FSTL5: variants seen among roughly 807,000 people sequenced by gnomAD.
FSTL5 encodes follistatin-related protein 5.
Under a neutral mutation model 89.1 loss-of-function variants are expected in FSTL5, and 62 were observed. The ratio of observed to expected loss-of-function variants is 0.70; its 90% CI spans 0.57 to 0.86. The LOEUF (loss-of-function observed/expected upper bound fraction) is 0.86. Among genes scored for constraint, FSTL5 ranks in the 40% least tolerant of loss-of-function variants. FSTL5 has a pLI of 0.00. For synonymous variants in FSTL5, 383 were observed against 346.2 expected (o/e 1.11, Z -1.18); for missense variants, 1,057 against 1,001.6 (o/e 1.06, Z -0.75).
chr4:161,748,590 T>G (rs1378137607), intron 6 of FSTL5, among the ~76,000 whole-genome samples: 1 of 142,798 alleles, frequency 7.0e-6, no homozygotes, highest in African/African-American at 2.6e-5. Context: ...ACTGAAATAA[T>G]GCAAAGGGGA....
At chr4:161,851,472 G>T (rs533980620) in intron 4 of FSTL5, among the ~76,000 whole-genome samples, 2 of 152,066 alleles carry the variant, frequency 1.3e-5, no homozygotes, top group East Asian at 3.9e-4. Context: ...ACGATTTCAG[G>T]TATCTTTCGT....
At chr4:161,435,338 A>G (rs1312464680) in intron 15 of FSTL5, among the ~76,000 whole-genome samples, 1 of 152,156 alleles carries the variant, frequency 6.6e-6, no homozygotes, top group African/African-American at 2.4e-5. Context: ...CAAACATCAC[A>G]TGTTCTCATT....
intron 13 of FSTL5, among the ~76,000 whole-genome samples, chr4:161,475,410 A>G (rs1734103064): frequency 6.6e-6 from 1 of 152,066 alleles, no homozygotes; most frequent in Non-Finnish European, 1.5e-5. Flanking sequence ...ACTGAGTCTC[A>G]CAGGTCCCTT....
chr4:161,427,099 C>T (rs1217119223), intron 15 of FSTL5, among the ~76,000 whole-genome samples: 2 of 152,144 alleles, frequency 1.3e-5, no homozygotes, highest in Non-Finnish European at 2.9e-5. Context: ...ACTAATGTTT[C>T]ATAATAGAAG....
At chr4:161,437,109 TG>T (rs1229497622) in intron 15 of FSTL5, among the ~76,000 whole-genome samples, 1 of 152,018 alleles carries the variant, frequency 6.6e-6, no homozygotes, top group Non-Finnish European at 1.5e-5. Context: ...TTGGAGGCAT[TG>T]GAATAGGTTC....
At chr4:161,911,998 T>C (rs1257186216) in intron 4 of FSTL5, among the ~76,000 whole-genome samples, 5 of 152,152 alleles carry the variant, frequency 3.3e-5, no homozygotes, top group Non-Finnish European at 7.4e-5. Flanking sequence ...GTGAAATATC[T>C]GTGGGTGCTC....
intron 7 of FSTL5, among the ~76,000 whole-genome samples, chr4:161,615,993 C>T (rs532214520): frequency 1.2e-4 from 19 of 152,120 alleles, no homozygotes; most frequent in Admixed American, 3.3e-4. Context: ...TGCTACTCAG[C>T]AACACATTCT....
chr4:161,493,744 G>A (rs1729962911), intron 12 of FSTL5, among the ~76,000 whole-genome samples: 1 of 152,026 alleles, frequency 6.6e-6, no homozygotes, highest in Admixed American at 6.6e-5. Flanking sequence ...TTTTACATGT[G>A]TATAAGTGAG....
rs953077442 is a variant in FSTL5 at position 161,612,843 on chromosome 4, AGTGGTATCAATTAT to A, written c.895-25282_895-25269del. Among the ~76,000 whole-genome samples, 83 of 152,342 alleles carry A rather than the reference AGTGGTATCAATTAT, an allele frequency of 5.4e-4. 1 individual carries two copies. Among genetic ancestry groups the A allele is most frequent in the African/African-American group, 2.0e-3 (82 of 41,592 alleles). On this transcript the variant is annotated intron_variant, in intron 7 of 15. Transcript: ENST00000306100. ...TTACCTTCTATAAAATAGGGACCTC[AGTGGTATCAATTAT>A]GTTACAAGATTGAATGATTTAATTT...
At chr4:161,426,598 A>T (rs889784667) in intron 15 of FSTL5, among the ~76,000 whole-genome samples, 1 of 151,970 alleles carries the variant, frequency 6.6e-6, no homozygotes, top group African/African-American at 2.4e-5. Flanking sequence ...ATAGAAGATA[A>T]TTTTTTTTGT....
intron 3 of FSTL5, among the ~76,000 whole-genome samples, chr4:161,970,031 T>G (rs1167658911): frequency 1.3e-5 from 2 of 152,064 alleles, no homozygotes; most frequent in East Asian, 3.9e-4. Context: ...AAAATCGAAC[T>G]GGATTTGATG....
At chr4:161,695,016 T>C (rs1738089379) in intron 6 of FSTL5, among the ~76,000 whole-genome samples, 2 of 152,122 alleles carry the variant, frequency 1.3e-5, no homozygotes. Context: ...TTAAATTCTT[T>C]TTTTAAATTT....
chr4:161,698,240 G>C (rs971297978), intron 6 of FSTL5, among the ~76,000 whole-genome samples: 3 of 152,102 alleles, frequency 2.0e-5, no homozygotes, highest in Non-Finnish European at 4.4e-5. Context: ...CTCGATCTAG[G>C]ACTTCTATCC....
At chr4:162,132,763 C>T (rs1035851791) in intron 1 of FSTL5, among the ~76,000 whole-genome samples, 12 of 152,174 alleles carry the variant, frequency 7.9e-5, no homozygotes, top group Non-Finnish European at 1.8e-4. Flanking sequence ...TTACCATCTG[C>T]TCTCCAGGTG....
chr4:161,408,086 C>A (rs2110926646), intron 15 of FSTL5, among the ~76,000 whole-genome samples: 1 of 152,238 alleles, frequency 6.6e-6, no homozygotes, highest in South Asian at 2.1e-4. Flanking sequence ...ACCTAACTGT[C>A]CCTCCATCCG....
Position 161,555,566 on chromosome 4 carries a change from T to C in FSTL5, c.1016-12873A>G, listed in dbSNP as rs556137617. On this transcript the variant is annotated intron_variant, in intron 8 of 15. Coordinates refer to ENST00000306100, the MANE Select transcript of FSTL5 (RefSeq NM_020116.5). ...TGAGGCAGGAGTTGTGTAGCTGATA[T>C]GTTACAGTAACCTCCTCCTAAGCAG... 2.6e-4 allele frequency among the ~76,000 whole-genome samples: 39 copies of C among 151,734 alleles called. No individual in the cohort carries two copies. In the South Asian group the frequency reaches 7.9e-3, roughly 31 times the overall value.
intron 2 of FSTL5, among the ~76,000 whole-genome samples, chr4:162,062,078 T>A (rs1738735093): frequency 6.6e-6 from 1 of 151,886 alleles, no homozygotes; most frequent in Admixed American, 6.6e-5. Context: ...TTCCAAACGA[T>A]CTGAATTGTG....
chr4:161,547,109 G>A (rs1412334402), intron 8 of FSTL5, among the ~76,000 whole-genome samples: 9 of 152,054 alleles, frequency 5.9e-5, no homozygotes, highest in Admixed American at 5.9e-4. Flanking sequence ...AAGGGGCAGA[G>A]AGAGGCCCCA....
At chr4:161,726,273 C>G (rs545380139) in intron 6 of FSTL5, among the ~76,000 whole-genome samples, 1 of 126,950 alleles carries the variant, frequency 7.9e-6, no homozygotes, top group African/African-American at 3.0e-5. Context: ...CTTACCCAGG[C>G]TGGAGTGCAG....
Sources: gnomAD v4.1 joint callset for allele counts (sites outside exome capture counted in the v4.1 genomes callset) on GRCh38, gnomAD v4.1.1 for gene constraint, MANE v1.5 for transcripts, NCBI Gene and HGNC (gene_info 2026-07-23, HGNC 2026-07-21) for gene names.